CYP11A1: variants seen among roughly 807,000 people sequenced by gnomAD.
CYP11A1 encodes the protein cytochrome P450 family 11 subfamily A member 1, also known as cholesterol side-chain cleavage enzyme, mitochondrial.
Under a neutral mutation model 51.9 loss-of-function variants are expected in CYP11A1, and 25 were observed. The observed-to-expected ratio is 0.48, with a 90% CI of 0.35 to 0.67. The LOEUF is 0.67. CYP11A1 is among the 30% of genes least tolerant of loss of function. The probability of loss-of-function intolerance (pLI) is 0.00; values close to 1 mark genes in which losing one functional copy is unlikely to be tolerated. For synonymous variants in CYP11A1, 245 were observed against 262.1 expected, an observed-to-expected ratio of 0.93 and a Z score of 0.63; for missense variants, 578 against 680.9, an observed-to-expected ratio of 0.85 and a Z score of 1.68.
At chr15:74,360,427 C>T (rs2060702767) in intron 1 of CYP11A1, among the ~76,000 whole-genome samples, 1 of 151,944 alleles carries the variant, frequency 6.6e-6, no homozygotes, top group African/African-American at 2.4e-5. Context: ...ATTACAGACG[C>T]CCGCCACCAC....
intron 5 of CYP11A1, among the ~76,000 whole-genome samples, chr15:74,340,308 T>C (rs2060600659): frequency 1.3e-5 from 2 of 152,200 alleles, no homozygotes; most frequent in Admixed American, 1.3e-4. Context: ...TGTGTTGAAA[T>C]TAATCAGCTA....
At chr15:74,353,469 T>C (rs1474929625) in intron 1 of CYP11A1, among the ~76,000 whole-genome samples, 2 of 152,204 alleles carry the variant, frequency 1.3e-5, no homozygotes, top group African/African-American at 4.8e-5. Context: ...CATACATGCT[T>C]ACATTGCTTC....
At chr15:74,358,942 A>G (rs2060694168) in intron 1 of CYP11A1, among the ~76,000 whole-genome samples, 1 of 152,156 alleles carries the variant, frequency 6.6e-6, no homozygotes, top group Admixed American at 6.5e-5. Context: ...CTCCAACTTA[A>G]AAAAAGGACT....
At position 74,339,665 on chromosome 15, in the gene CYP11A1, C is replaced by T. The variant is rs1446551887; in HGVS notation, c.1079G>A (p.Arg360Gln). 5.0e-6 allele frequency: 8 copies of T among 1,613,980 alleles called. No individual in the cohort carries two copies. Among genetic ancestry groups the T allele is most frequent in the Admixed American group, 1.7e-5 (1 of 59,992 alleles). Reference sequence around the variant, plus strand: ...GGCCATGTCTCCCTGGGCCTGGTGCCGCGCAGCCAAGACCTCTGCCCGCAG... The same window carrying T: ...GGCCATGTCTCCCTGGGCCTGGTGCTGCGCAGCCAAGACCTCTGCCCGCAG... ...DMLRAEVLAA[R>Q]HQAQGDMATM... The change falls in exon 6 of 9, where the codon CGG becomes CAG. Residue 360 changes from arginine to glutamine, a missense_variant. Arg to Gln is a conservative substitution (Grantham distance 43). Coordinates refer to ENST00000268053, the MANE Select transcript of CYP11A1 (RefSeq NM_000781.3).
rs1384126563 is a variant in CYP11A1 at position 74,345,583 on chromosome 15, C to T, written c.426-340G>A. ...TTGCCTCAGCTGCAGGCATGCCTTCCATGCCACTCCCACTTCCTCCTGGCC... is the reference window on the plus strand; with the variant it reads ...TTGCCTCAGCTGCAGGCATGCCTTCTATGCCACTCCCACTTCCTCCTGGCC... On this transcript the variant is annotated intron_variant, in intron 2 of 8. Coordinates refer to ENST00000268053, the MANE Select transcript of CYP11A1 (RefSeq NM_000781.3). This position sits in a 1 kb window ranked among gnomAD's most constrained non-coding sequence, Gnocchi z 4.3. Among the ~76,000 whole-genome samples the T allele has an allele frequency of 6.6e-5, 10 of 152,166 alleles. No homozygotes were observed. The highest frequency in any genetic ancestry group is 4.6e-4 in the Admixed American group (7 of 15,276).
chr15:74,345,281 G>T lies in CYP11A1; in HGVS notation c.426-38C>A. The stretch of plus-strand genomic sequence containing the variant: ...GGGCCCACAAGCCCTCATGGTCACA[G>T]ACCCCAGGCCTGGTGAACACAGAGG... On this transcript the variant is annotated intron_variant, in intron 2 of 8. Coordinates refer to ENST00000268053, the MANE Select transcript of CYP11A1 (RefSeq NM_000781.3). This position sits in a 1 kb window ranked among gnomAD's most constrained non-coding sequence, Gnocchi z 4.3. 6.2e-7 allele frequency: 1 copy of T among 1,611,120 alleles called. No individual in the cohort carries two copies. The highest frequency in any genetic ancestry group is 8.5e-7 in the Non-Finnish European group (1 of 1,177,380).
intron 3 of CYP11A1, 35 bp from the exon 4 acceptor site, chr15:74,344,027 T>C: frequency 6.3e-7 from 1 of 1,593,154 alleles, no homozygotes; most frequent in Non-Finnish European, 8.6e-7. Context: ...GAGCCATTTC[T>C]GACGGGGCCA....
At chr15:74,358,524 T>C (rs1326698847) in intron 1 of CYP11A1, among the ~76,000 whole-genome samples, 3 of 152,178 alleles carry the variant, frequency 2.0e-5, no homozygotes, top group Non-Finnish European at 4.4e-5. Context: ...GGGTTCCATC[T>C]GCTAGTCTAC....
intron 1 of CYP11A1, chr15:74,361,321 T>C (rs1048728522): frequency 1.3e-4 from 29 of 221,246 alleles, no homozygotes; most frequent in Non-Finnish European, 2.2e-4. Flanking sequence ...TCTAAGTATA[T>C]GTTACCAATC....
chr15:74,338,824 A>G (rs890065135), intron 7 of CYP11A1, 56 bp from the exon 8 acceptor site: 7 of 1,529,212 alleles, frequency 4.6e-6, no homozygotes, highest in Middle Eastern at 1.9e-4. Context: ...AGCCCTGAGC[A>G]CAAAACCCCC....
At chr15:74,344,945 A>G in intron 3 of CYP11A1, 99 bp downstream of exon 3, 1 of 1,143,428 alleles carries the variant, frequency 8.7e-7, no homozygotes, top group South Asian at 1.3e-5. Flanking sequence ...GTCAGTCTCA[A>G]TGCCTCTGCA....
chr15:74,356,560 C>T (rs574457508), intron 1 of CYP11A1: 23 of 152,308 alleles, frequency 1.5e-4, no homozygotes, highest in African/African-American at 5.5e-4. Context: ...TTTGCCTCCA[C>T]AACTATTGTG....
chr15:74,347,212 C>G (rs2060636666), intron 2 of CYP11A1, among the ~76,000 whole-genome samples: 3 of 152,002 alleles, frequency 2.0e-5, no homozygotes, highest in Admixed American at 1.3e-4. Context: ...GGTTTGAGAC[C>G]AGCCTGGGCA....
intron 1 of CYP11A1, 122 bp from the exon 2 acceptor site, chr15:74,348,177 A>C: frequency 9.1e-7 from 1 of 1,094,588 alleles, no homozygotes; most frequent in Admixed American, 2.1e-5. Flanking sequence ...GAGGCCCTTA[A>C]CCCCTCTGAG....
At position 74,351,758 on chromosome 15, in the gene CYP11A1, T is replaced by C. The variant is rs116349145; in HGVS notation, c.270-3703A>G. Among the ~76,000 whole-genome samples the C allele has an allele frequency of 3.0e-3, 454 of 152,340 alleles. 3 individuals are homozygous for C. Among genetic ancestry groups the C allele is most frequent in the African/African-American group, 0.01 (424 of 41,576 alleles). On this transcript the variant is annotated intron_variant, in intron 1 of 8. Transcript: ENST00000268053. ...TTGGAATCTGAAGTTTACTGTTGAA[T>C]TGGAAAGTGGAATAGAGTTGCATGT...
intron 1 of CYP11A1, 99 bp from the exon 2 acceptor site, chr15:74,348,154 T>C: frequency 1.4e-6 from 2 of 1,427,642 alleles, no homozygotes; most frequent in Admixed American, 1.9e-5. Context: ...TTGCTGACTG[T>C]GGGACCTGAG....
intron 5 of CYP11A1, among the ~76,000 whole-genome samples, chr15:74,342,290 G>T (rs1462844430): frequency 6.6e-6 from 1 of 152,138 alleles, no homozygotes; most frequent in East Asian, 1.9e-4. Flanking sequence ...CACTATGTTG[G>T]CCAGGCTGGT....
Position 74,355,999 on chromosome 15 carries a change from G to A in CYP11A1, c.270-7944C>T, listed in dbSNP as rs116264489. On this transcript the variant is annotated intron_variant, in intron 1 of 8. Transcript: ENST00000268053. ...AATTAGAATCCGGCCCTCAAACCTCGCAATGGGAATTAATCAACCTTGCCT... is the reference window on the plus strand; with the variant it reads ...AATTAGAATCCGGCCCTCAAACCTCACAATGGGAATTAATCAACCTTGCCT... Among the ~76,000 whole-genome samples the A allele has an allele frequency of 3.5e-4, 53 of 152,226 alleles. No homozygotes were observed. The South Asian group carries it at 6.2e-3, about 18-fold the overall frequency.
chr15:74,346,756 A>AG (rs925749415), intron 2 of CYP11A1, among the ~76,000 whole-genome samples: 8 of 151,660 alleles, frequency 5.3e-5, no homozygotes, highest in Non-Finnish European at 1.2e-4. Flanking sequence ...GTTGCTCTGT[A>AG]GCCTTACCCA....
Sources: allele counts gnomAD v4.1 joint callset (sites outside exome capture counted in the v4.1 genomes callset), GRCh38; gene constraint gnomAD v4.1.1; non-coding constraint Gnocchi (gnomAD v3.1); transcripts MANE v1.5; gene names NCBI Gene and HGNC (gene_info 2026-07-23, HGNC 2026-07-21).